ANGPT2: variants seen among roughly 807,000 people sequenced by gnomAD.
ANGPT2 encodes the protein angiopoietin-2.
Under a neutral mutation model 62.9 loss-of-function variants are expected in ANGPT2, and 28 were observed. That is an observed-to-expected ratio of 0.44 (90% CI 0.33 to 0.61). ANGPT2 has a LOEUF of 0.61. Among genes scored for constraint, ANGPT2 ranks in the 20% least tolerant of loss-of-function variants. The probability of loss-of-function intolerance (pLI) is 0.03; values close to 1 mark genes in which losing one functional copy is unlikely to be tolerated. For missense variants in ANGPT2, 727 were observed against 594.9 expected, an observed-to-expected ratio of 1.22 and a Z score of -2.31; for synonymous variants, 284 against 207.8, an observed-to-expected ratio of 1.37 and a Z score of -3.15.
At chr8:6,518,384 G>T (rs1180359931) in intron 5 of ANGPT2, among the ~76,000 whole-genome samples, 1 of 152,346 alleles carries the variant, frequency 6.6e-6, no homozygotes, top group South Asian at 2.1e-4. Flanking sequence ...GCAGCAGACT[G>T]TGTTGTTTGT....
At chr8:6,558,520 C>T (rs1381321228) in intron 1 of ANGPT2, among the ~76,000 whole-genome samples, 4 of 152,214 alleles carry the variant, frequency 2.6e-5, no homozygotes, top group Admixed American at 2.6e-4. Context: ...CATTATCCTT[C>T]TCAAGTTTCA....
rs1812400975 is a variant in ANGPT2 at position 6,502,545 on chromosome 8, A to T, written c.*556T>A. On this transcript the variant is annotated 3_prime_UTR_variant, in exon 9 of 9. Coordinates refer to ENST00000629816, the MANE Select transcript of ANGPT2 (RefSeq NM_001118887.2). ...TAAAGCACCTAAGAGATGGAGTAAA[A>T]ATGCACTAACTGTTTTTCCAAATAT... The T allele has an allele frequency of 6.6e-6, 1 of 152,240 alleles. No homozygotes were observed. The highest frequency in any genetic ancestry group is 1.5e-5 in the Non-Finnish European group (1 of 68,058). 9.4% of individuals were successfully genotyped at this position (152,240 alleles called of 1,614,324 possible).
intron 1 of ANGPT2, among the ~76,000 whole-genome samples, chr8:6,533,744 G>T (rs1819979313): frequency 6.6e-6 from 1 of 151,982 alleles, no homozygotes; most frequent in African/African-American, 2.4e-5. Flanking sequence ...AACTGGTTCT[G>T]GTGCCCTCCT....
intron 5 of ANGPT2, among the ~76,000 whole-genome samples, chr8:6,519,053 C>G (rs551947916): frequency 2.0e-5 from 3 of 152,296 alleles, no homozygotes; most frequent in East Asian, 1.9e-4. Flanking sequence ...ACTGTCCACT[C>G]ACGTTACATG....
chr8:6,503,814 A>G (rs1218379786), intron 8 of ANGPT2, among the ~76,000 whole-genome samples: 4 of 152,212 alleles, frequency 2.6e-5, no homozygotes, highest in Non-Finnish European at 5.9e-5. Context: ...AGCTAAAGCC[A>G]GGGCAGGAGA....
intron 3 of ANGPT2, 114 bp downstream of exon 3, chr8:6,527,441 C>T (rs915458973): frequency 3.0e-6 from 4 of 1,336,074 alleles, no homozygotes; most frequent in Admixed American, 2.1e-5. Flanking sequence ...GGTTTCTGAC[C>T]CTTACACTAG....
intron 8 of ANGPT2, among the ~76,000 whole-genome samples, chr8:6,505,583 C>T (rs1813430707): frequency 8.8e-6 from 1 of 113,042 alleles, no homozygotes; most frequent in African/African-American, 3.4e-5. Flanking sequence ...AATGTATATT[C>T]TTTTTGTATA....
rs1818571126 is a variant in ANGPT2, at chr8:6,527,584, A to G, written c.537T>C (p.Ser179=). 1 of 1,613,780 alleles carries G rather than the reference A, an allele frequency of 6.2e-7. No homozygotes were observed. Among genetic ancestry groups the G allele is most frequent in the African/African-American group, 1.3e-5 (1 of 74,910 alleles). Residue 179 remains serine (S), a synonymous_variant, in exon 3 of 9, where the codon AGT becomes AGC. Coordinates refer to ENST00000629816, the MANE Select transcript of ANGPT2 (RefSeq NM_001118887.2). ...TCTTATCTTGCAATTTGTTTATTTC[A>G]CTGGTCTGGTCCAAAATCTGTTTTT... ...KLEKQILDQT[S]EINKLQDKNS... is the part of the protein sequence containing the mutation.
rs1349321773 is a variant in ANGPT2 at position 6,531,671 on chromosome 8, C to G, written c.444+661G>C. Among the ~76,000 whole-genome samples the G allele has an allele frequency of 3.3e-5, 5 of 152,308 alleles. No homozygotes were observed. The East Asian group carries it at 9.7e-4, about 29-fold the overall frequency. ...ATCTCACAGTGGAAAGAGAACTTAG[C>G]AATCACTTGTCTGGCCCAACCCTTT... On this transcript the variant is annotated intron_variant, in intron 2 of 8. Coordinates refer to ENST00000629816, the MANE Select transcript of ANGPT2 (RefSeq NM_001118887.2).
intron 5 of ANGPT2, among the ~76,000 whole-genome samples, chr8:6,516,675 T>C (rs745369430): frequency 3.9e-5 from 6 of 152,252 alleles, no homozygotes; most frequent in Non-Finnish European, 7.3e-5. Context: ...AGGATTCATG[T>C]ACATATATTG....
intron 8 of ANGPT2, among the ~76,000 whole-genome samples, chr8:6,503,499 G>T (rs1251974502): frequency 6.6e-6 from 1 of 152,104 alleles, no homozygotes; most frequent in Non-Finnish European, 1.5e-5. Context: ...CTTTTCCCTT[G>T]TGCTGTGTGG....
At chr8:6,543,535 C>A (rs1041645260) in intron 1 of ANGPT2, among the ~76,000 whole-genome samples, 1 of 152,162 alleles carries the variant, frequency 6.6e-6, no homozygotes, top group Non-Finnish European at 1.5e-5. Context: ...GGAATAAACC[C>A]GCCCAAACCA....
chr8:6,501,860 G>A lies in ANGPT2; in HGVS notation c.*1241C>T, dbSNP rs950294828. On this transcript the variant is annotated 3_prime_UTR_variant, in exon 9 of 9. Coordinates refer to ENST00000629816, the MANE Select transcript of ANGPT2 (RefSeq NM_001118887.2). ...TGTGAGCCACTGCGCCCAGCCCTGTGTTCTCAAATTTTTGGTAAATATTTA... is the reference window on the plus strand; with the variant it reads ...TGTGAGCCACTGCGCCCAGCCCTGTATTCTCAAATTTTTGGTAAATATTTA... 53 of 150,680 alleles carry A rather than the reference G, an allele frequency of 3.5e-4. No homozygotes were observed. Among genetic ancestry groups the A allele is most frequent in the African/African-American group, 1.1e-3 (45 of 41,014 alleles). 9.3% of individuals were successfully genotyped at this position (150,680 alleles called of 1,614,324 possible).
At chr8:6,542,776 T>C (rs895380634) in intron 1 of ANGPT2, among the ~76,000 whole-genome samples, 14 of 152,156 alleles carry the variant, frequency 9.2e-5, no homozygotes, top group African/African-American at 3.4e-4. Flanking sequence ...GGAGGTAGCA[T>C]GATCATCTCT....
At chr8:6,515,282 C>A (rs1354691159) in intron 5 of ANGPT2, among the ~76,000 whole-genome samples, 1 of 152,122 alleles carries the variant, frequency 6.6e-6, no homozygotes, top group African/African-American at 2.4e-5. Flanking sequence ...ACTCCTGTTA[C>A]ATTCTCGTAC....
At chr8:6,546,224 CAAAT>C (rs992236307) in intron 1 of ANGPT2, among the ~76,000 whole-genome samples, 80 of 152,332 alleles carry the variant, frequency 5.3e-4, no homozygotes, top group African/African-American at 1.8e-3. Context: ...TTGCAGCAAA[CAAAT>C]TGGAGTAAGG....
In ANGPT2 at chr8:6,501,738, G is replaced by A. The variant is rs1812233636; in HGVS notation, c.*1363C>T. ...GCCTGGCTAATTTTTGTATTATTTA[G>A]TAGAGACAGGGTTTCACCATGTTGT... On this transcript the variant is annotated 3_prime_UTR_variant, in exon 9 of 9. Coordinates refer to ENST00000629816, the MANE Select transcript of ANGPT2 (RefSeq NM_001118887.2). 4 of 151,854 alleles carry A rather than the reference G, an allele frequency of 2.6e-5. No individual in the cohort carries two copies. The highest frequency in any genetic ancestry group is 6.6e-5 in the Admixed American group (1 of 15,220). 9.4% of individuals were successfully genotyped at this position (151,854 alleles called of 1,614,324 possible).
chr8:6,500,316 T>A lies in ANGPT2; in HGVS notation c.*2785A>T, dbSNP rs1314099561. ...TTGCTGGTGCTGTGATAACAGTATT[T>A]ATATTTTTATGGCTTTCCTAAATTC... On this transcript the variant is annotated 3_prime_UTR_variant, in exon 9 of 9. Transcript: ENST00000629816. The A allele has an allele frequency of 5.8e-6, 1 of 172,402 alleles. No individual in the cohort carries two copies. The highest frequency in any genetic ancestry group is 1.3e-5 in the Non-Finnish European group (1 of 79,868). The allele number at this position is 172,402 out of a possible 1,614,324, so 10.7% of individuals were successfully genotyped here.
At chr8:6,550,690 G>GT (rs1344872520) in intron 1 of ANGPT2, among the ~76,000 whole-genome samples, 1 of 152,144 alleles carries the variant, frequency 6.6e-6, no homozygotes, top group East Asian at 1.9e-4. Context: ...TTTAAAATCT[G>GT]TTTTATTGTA....
Sources: gnomAD v4.1 joint callset for allele counts (sites outside exome capture counted in the v4.1 genomes callset) on GRCh38, gnomAD v4.1.1 for gene constraint, MANE v1.5 for transcripts, NCBI Gene and HGNC (gene_info 2026-07-23, HGNC 2026-07-21) for gene names.